The following WDPCP variants were observed in gnomAD, a reference collection of about 807,000 sequenced individuals.
The protein encoded by WDPCP is WD repeat containing planar cell polarity effector, also known as WD repeat-containing and planar cell polarity effector protein fritz homolog.
Under a neutral mutation model 93.1 loss-of-function variants are expected in WDPCP, and 71 were observed. The observed-to-expected ratio is 0.76, with a 90% CI of 0.63 to 0.93. The LOEUF is 0.93. Among genes scored for constraint, WDPCP ranks in the 40% least tolerant of loss-of-function variants. WDPCP has a pLI of 0.00. For missense variants in WDPCP, 844 were observed against 887.4 expected, an observed-to-expected ratio of 0.95 and a Z score of 0.62; for synonymous variants, 315 against 315.0, an observed-to-expected ratio of 1.00 and a Z score of 0.00.
At chr2:63,416,200 C>T (rs55945596) in intron 9 of WDPCP, among the ~76,000 whole-genome samples, 59,413 of 147,594 alleles carry the variant, frequency 0.4, 12,088 homozygotes, top group Non-Finnish European at 0.43. Context: ...CTTTTTTTTC[C>T]TTTTTTTTTT....
At chr2:63,689,805 A>G (rs1668864497) in intron 2 of WDPCP, among the ~76,000 whole-genome samples, 2 of 152,232 alleles carry the variant, frequency 1.3e-5, no homozygotes, top group African/African-American at 4.8e-5. Flanking sequence ...GCTCAGTATC[A>G]TATGAAATAA....
intron 1 of WDPCP, among the ~76,000 whole-genome samples, chr2:63,510,368 A>G (rs1702152954): frequency 6.6e-6 from 1 of 152,250 alleles, no homozygotes; most frequent in Admixed American, 6.5e-5. Context: ...AAGGCCTTTG[A>G]TAAAATTCAA....
intron 14 of WDPCP, chr2:63,228,513 TG>T (rs1226365525): frequency 6.6e-6 from 1 of 151,708 alleles, no homozygotes; most frequent in African/African-American, 2.4e-5. Flanking sequence ...ACATGTGCCA[TG>T]GTGGTGTGCT....
chr2:63,499,065 A>T (rs921773809), intron 1 of WDPCP, among the ~76,000 whole-genome samples: 5 of 152,232 alleles, frequency 3.3e-5, no homozygotes, highest in Non-Finnish European at 7.3e-5. Context: ...TGAGTCATAG[A>T]TACAAAGTTT....
chr2:63,838,819 CTCTT>C, the WDPCP span, among the ~76,000 whole-genome samples: 32 of 152,330 alleles, frequency 2.1e-4, no homozygotes, highest in African/African-American at 7.0e-4. Context: ...AGAACTCCAC[CTCTT>C]TCTTTCCTAT....
intron 3 of WDPCP, among the ~76,000 whole-genome samples, chr2:63,612,456 G>A (rs1286113283): frequency 2.6e-5 from 4 of 152,054 alleles, no homozygotes; most frequent in East Asian, 1.9e-4. Context: ...CCTTCCCAGC[G>A]CCTCCCTTGT....
At chr2:63,668,029 A>G (rs544186791) in intron 2 of WDPCP, among the ~76,000 whole-genome samples, 1 of 152,170 alleles carries the variant, frequency 6.6e-6, no homozygotes, top group South Asian at 2.1e-4. Flanking sequence ...CCCTAAGGCA[A>G]TGAGTGCTAA....
chr2:63,724,867 C>T (rs1025211579), intron 2 of WDPCP, among the ~76,000 whole-genome samples: 9 of 152,198 alleles, frequency 5.9e-5, no homozygotes, highest in African/African-American at 2.2e-4. Context: ...GTGAACAACT[C>T]TTGAAAAATC....
chr2:63,143,477 G>A (rs535171585), intron 17 of WDPCP, among the ~76,000 whole-genome samples: 3 of 152,138 alleles, frequency 2.0e-5, no homozygotes, highest in East Asian at 1.9e-4. Flanking sequence ...TGTTGCCTGC[G>A]TACTTTGTTT....
At chr2:63,372,022 T>C (rs1691436116) in intron 12 of WDPCP, among the ~76,000 whole-genome samples, 1 of 152,198 alleles carries the variant, frequency 6.6e-6, no homozygotes. Flanking sequence ...TGGCTCATGG[T>C]TCTGTAGCCT....
chr2:63,521,144 C>T (rs1190612990), intron 1 of WDPCP, among the ~76,000 whole-genome samples: 3 of 152,114 alleles, frequency 2.0e-5, no homozygotes, highest in Non-Finnish European at 4.4e-5. Context: ...TATAAGGCAA[C>T]CACACCAACA....
chr2:63,777,864 G>A (rs537222825), intron 2 of WDPCP, among the ~76,000 whole-genome samples: 1 of 152,082 alleles, frequency 6.6e-6, no homozygotes, highest in East Asian at 1.9e-4. Context: ...TAATTTTATG[G>A]GTATATATGC....
At chr2:63,298,707 T>C (rs2103703634) in intron 13 of WDPCP, among the ~76,000 whole-genome samples, 1 of 152,240 alleles carries the variant, frequency 6.6e-6, no homozygotes, top group African/African-American at 2.4e-5. Context: ...GCTGAGCCAT[T>C]ACTGGGTTCC....
chr2:63,624,252 C>A (rs534652545), intron 3 of WDPCP, among the ~76,000 whole-genome samples: 6 of 152,050 alleles, frequency 3.9e-5, no homozygotes, highest in African/African-American at 1.4e-4. Flanking sequence ...AAAATTGACA[C>A]CCTGACATCA....
rs903710699 is a variant in WDPCP, at chr2:63,463,011, T to A, written c.384+21593A>T. 2.0e-5 allele frequency among the ~76,000 whole-genome samples: 3 copies of A among 152,158 alleles called. No homozygotes were observed. The East Asian group carries it at 5.8e-4, about 29-fold the overall frequency. ...GCTCTAGGAGGAACCATGGAAGCTG[T>A]GGTTATAAATTTGATAATCTAGAAG... On this transcript the variant is annotated intron_variant, in intron 6 of 17. Transcript: ENST00000272321.
chr2:63,516,119 C>T lies in WDPCP; in HGVS notation c.76-23179G>A, dbSNP rs547273681. ...AGCTATATTTTTAACACAAATCTGT[C>T]TAATTCCAAAGCCCATCATTTTGTC... On this transcript the variant is annotated intron_variant, in intron 1 of 17. Transcript: ENST00000272321. 1.1e-4 allele frequency among the ~76,000 whole-genome samples: 16 copies of T among 152,030 alleles called. No homozygotes were observed. The South Asian group carries it at 3.3e-3, about 32-fold the overall frequency.
chr2:63,565,586 C>A (rs956892402), intron 1 of WDPCP, among the ~76,000 whole-genome samples: 1 of 152,060 alleles, frequency 6.6e-6, no homozygotes, highest in Non-Finnish European at 1.5e-5. Flanking sequence ...CAATGCCTTG[C>A]TAAATGTAAA....
At chr2:63,305,378 C>T (rs1476433906) in intron 13 of WDPCP, among the ~76,000 whole-genome samples, 6 of 152,078 alleles carry the variant, frequency 3.9e-5, no homozygotes, top group African/African-American at 9.7e-5. Context: ...CCCTCTGGGA[C>T]GAAGGAACAG....
rs1681406374 is a variant in WDPCP, at chr2:63,259,295, GTTAA to G, written c.1915+8_1915+11del. 6.2e-7 allele frequency: 1 copy of G among 1,607,096 alleles called. No individual in the cohort carries two copies. Among genetic ancestry groups the G allele is most frequent in the Non-Finnish European group, 8.5e-7 (1 of 1,174,852 alleles). On this transcript the variant is annotated splice_region_variant and intron_variant, in intron 14 of 17. Transcript: ENST00000272321. Reference sequence around the variant, plus strand: ...AAAATAAAAAGCACTTAAAAATAGCGTTAATTCTTACCAACCCCAGAGGTTATTG... The same window carrying G: ...AAAATAAAAAGCACTTAAAAATAGCGTTCTTACCAACCCCAGAGGTTATTG...
Sources: gnomAD v4.1 joint callset for allele counts (sites outside exome capture counted in the v4.1 genomes callset) on GRCh38, gnomAD v4.1.1 for gene constraint, MANE v1.5 for transcripts, NCBI Gene and HGNC (gene_info 2026-07-23, HGNC 2026-07-21) for gene names.